SGCZ: variants seen among roughly 807,000 people sequenced by gnomAD.
The protein encoded by SGCZ is zeta-sarcoglycan.
In SGCZ, 40 loss-of-function variants were observed where a neutral mutation model predicts 41.3. That is an observed-to-expected ratio of 0.97 (90% confidence interval 0.75 to 1.26). The LOEUF is 1.26. SGCZ is among the 50% of genes most tolerant of loss of function. The pLI is 0.00. For missense variants in SGCZ, 552 were observed against 369.8 expected (o/e 1.49, Z -4.04); for synonymous variants, 206 against 137.5 (o/e 1.50, Z -3.49).
chr8:15,235,327 C>G (rs1472131899), intron 1 of SGCZ, among the ~76,000 whole-genome samples: 1 of 152,198 alleles, frequency 6.6e-6, no homozygotes, highest in Non-Finnish European at 1.5e-5. Context: ...ATTCCCAAAA[C>G]TGGAGGATCT....
intron 2 of SGCZ, among the ~76,000 whole-genome samples, chr8:14,411,076 A>C (rs547424715): frequency 7.7e-4 from 117 of 152,272 alleles, no homozygotes; most frequent in Non-Finnish European, 1.6e-3. Context: ...TTTAGATAGT[A>C]AACAACTCTA....
At chr8:14,104,235 T>G (rs1032897977) in intron 6 of SGCZ, among the ~76,000 whole-genome samples, 5 of 152,170 alleles carry the variant, frequency 3.3e-5, no homozygotes, top group African/African-American at 4.8e-5. Flanking sequence ...ATAATTGTAT[T>G]CATTTGGAAA....
chr8:14,364,174 T>G (rs562386540), intron 2 of SGCZ, among the ~76,000 whole-genome samples: 2 of 151,968 alleles, frequency 1.3e-5, no homozygotes, highest in East Asian at 2.0e-4. Context: ...ACACTAGTTG[T>G]TGAGATCATT....
At chr8:15,145,092 T>C (rs1324403638) in intron 1 of SGCZ, among the ~76,000 whole-genome samples, 1 of 152,182 alleles carries the variant, frequency 6.6e-6, no homozygotes, top group Non-Finnish European at 1.5e-5. Context: ...TCACAAGACA[T>C]CCTTTGATCA....
In SGCZ at chr8:14,133,366, T is replaced by G. The variant is rs189294707; in HGVS notation, c.548-25131A>C. Among the ~76,000 whole-genome samples, 844 of 152,308 alleles carry G rather than the reference T, an allele frequency of 5.5e-3. 5 individuals are homozygous for G. Among genetic ancestry groups the G allele is most frequent in the African/African-American group, 0.019 (803 of 41,558 alleles). ...TCTGTCATTAATTCAGCTTGCATTG[T>G]TTTTTGAGCAATTCCATTCCATTTT... On this transcript the variant is annotated intron_variant, in intron 5 of 7. Coordinates refer to ENST00000382080, the MANE Select transcript of SGCZ (RefSeq NM_139167.4).
intron 1 of SGCZ, among the ~76,000 whole-genome samples, chr8:14,578,940 GTTTAC>G (rs371970849): frequency 3.9e-5 from 6 of 151,910 alleles, no homozygotes; most frequent in East Asian, 1.9e-4. Flanking sequence ...CTCTTCTGTC[GTTTAC>G]TTTAGGATCT....
chr8:14,171,967 T>C (rs1483983813), intron 4 of SGCZ, among the ~76,000 whole-genome samples: 3 of 152,180 alleles, frequency 2.0e-5, no homozygotes, highest in Non-Finnish European at 4.4e-5. Context: ...CATTACAATA[T>C]CTTAGGCAAC....
At chr8:14,750,735 G>C (rs1357289316) in intron 1 of SGCZ, among the ~76,000 whole-genome samples, 2 of 152,160 alleles carry the variant, frequency 1.3e-5, no homozygotes, top group Admixed American at 1.3e-4. Context: ...GACATGTCTG[G>C]GTATGCATGA....
At chr8:14,627,690 C>A (rs6981707) in intron 1 of SGCZ, among the ~76,000 whole-genome samples, 2 of 152,028 alleles carry the variant, frequency 1.3e-5, no homozygotes, top group South Asian at 4.1e-4. Context: ...TTGGATTAGG[C>A]GCATCATACA....
rs528678618 is a variant in SGCZ at position 14,808,841 on chromosome 8, C to T, written c.40-253915G>A. On this transcript the variant is annotated intron_variant, in intron 1 of 7. Transcript: ENST00000382080. Reference sequence around the variant, plus strand: ...ACTTGGAACCAAACCAAATGTCCAACGATGATAGACTGGATTAAGAAAATG... The same window carrying T: ...ACTTGGAACCAAACCAAATGTCCAATGATGATAGACTGGATTAAGAAAATG... Among the ~76,000 whole-genome samples, 35 of 151,772 alleles carry T rather than the reference C, an allele frequency of 2.3e-4. No individual in the cohort carries two copies. In the East Asian group the frequency reaches 4.8e-3, roughly 21 times the overall value.
chr8:14,364,840 G>A (rs903934575), intron 2 of SGCZ, among the ~76,000 whole-genome samples: 1 of 152,088 alleles, frequency 6.6e-6, no homozygotes, highest in East Asian at 1.9e-4. Flanking sequence ...CTTCATTGAA[G>A]AATAACTTAA....
chr8:14,257,057 G>A (rs1385426424), intron 3 of SGCZ, among the ~76,000 whole-genome samples: 1 of 152,058 alleles, frequency 6.6e-6, no homozygotes, highest in African/African-American at 2.4e-5. Context: ...CTGGCCAGGC[G>A]TGGTGGCTCA....
At chr8:14,642,924 G>T (rs934344831) in intron 1 of SGCZ, among the ~76,000 whole-genome samples, 1 of 151,476 alleles carries the variant, frequency 6.6e-6, no homozygotes, top group East Asian at 1.9e-4. Flanking sequence ...GCTTAAAAGG[G>T]TAGAGATTTC....
At chr8:14,542,084 C>A (rs1803487043) in intron 2 of SGCZ, among the ~76,000 whole-genome samples, 1 of 152,028 alleles carries the variant, frequency 6.6e-6, no homozygotes, top group South Asian at 2.1e-4. Flanking sequence ...TGTAGGTTGC[C>A]TGTTCACTCT....
intron 1 of SGCZ, among the ~76,000 whole-genome samples, chr8:14,746,346 G>C (rs947882674): frequency 6.6e-6 from 1 of 151,652 alleles, no homozygotes; most frequent in African/African-American, 2.4e-5. Flanking sequence ...TTCATAATAT[G>C]AATAAAATCA....
intron 6 of SGCZ, among the ~76,000 whole-genome samples, chr8:14,104,701 C>A (rs541993870): frequency 6.6e-6 from 1 of 152,016 alleles, no homozygotes; most frequent in East Asian, 1.9e-4. Context: ...ATCCTGACTG[C>A]TTAATAGAGT....
At chr8:14,741,883 T>C (rs559313858) in intron 1 of SGCZ, among the ~76,000 whole-genome samples, 41 of 139,216 alleles carry the variant, frequency 2.9e-4, no homozygotes, top group African/African-American at 1.2e-3. Flanking sequence ...AATAACTCAA[T>C]TTAATCACAA....
intron 7 of SGCZ, among the ~76,000 whole-genome samples, chr8:14,101,876 A>C (rs1460748411): frequency 6.6e-6 from 1 of 151,498 alleles, no homozygotes; most frequent in East Asian, 1.9e-4. Context: ...TAAATTACAC[A>C]AATATGTACT....
chr8:15,170,452 T>A (rs1799793953), intron 1 of SGCZ, among the ~76,000 whole-genome samples: 1 of 152,180 alleles, frequency 6.6e-6, no homozygotes, highest in African/African-American at 2.4e-5. Context: ...TTTCCACCCC[T>A]GCTTAGAGAC....
Sources: allele counts gnomAD v4.1 joint callset (sites outside exome capture counted in the v4.1 genomes callset), GRCh38; gene constraint gnomAD v4.1.1; transcripts MANE v1.5; gene names NCBI Gene and HGNC (gene_info 2026-07-23, HGNC 2026-07-21).